Variants in MCTP1 observed in about 807,000 individuals in gnomAD.
The protein encoded by MCTP1 is multiple C2 and transmembrane domain containing 1.
Under a neutral mutation model 120.6 loss-of-function variants are expected in MCTP1, and 69 were observed. That is an observed-to-expected ratio of 0.57 (90% CI 0.47 to 0.70). The LOEUF (loss-of-function observed/expected upper bound fraction) is 0.70. Among genes scored for constraint, MCTP1 ranks in the 30% least tolerant of loss-of-function variants. The pLI is 0.00. For missense variants in MCTP1, 1,203 were observed against 1,248.8 expected (o/e 0.96, Z 0.55); for synonymous variants, 529 against 493.1 (o/e 1.07, Z -0.96).
At chr5:94,809,943 T>A (rs1392945408) in intron 17 of MCTP1, among the ~76,000 whole-genome samples, 2 of 152,128 alleles carry the variant, frequency 1.3e-5, no homozygotes, top group Non-Finnish European at 2.9e-5. Flanking sequence ...GCTTTAATTA[T>A]TTTCTAAGGA....
chr5:94,925,250 C>T (rs1812751610), intron 6 of MCTP1, among the ~76,000 whole-genome samples: 1 of 152,096 alleles, frequency 6.6e-6, no homozygotes, highest in Admixed American at 6.5e-5. Context: ...CAGAATGAGT[C>T]CTAAACAGAA....
chr5:94,936,893 C>G (rs929736141), intron 5 of MCTP1, among the ~76,000 whole-genome samples: 13 of 152,052 alleles, frequency 8.5e-5, no homozygotes, highest in Non-Finnish European at 1.9e-4. Flanking sequence ...TTTCTCCCCT[C>G]CCTCCTTTCT....
chr5:95,241,184 A>T (rs890697466), intron 1 of MCTP1, among the ~76,000 whole-genome samples: 1 of 152,168 alleles, frequency 6.6e-6, no homozygotes, highest in South Asian at 2.1e-4. Flanking sequence ...TAATTAGCCA[A>T]ATATCTTCTC....
Position 95,211,896 on chromosome 5 carries a change from C to G in MCTP1, c.720+71960G>C, listed in dbSNP as rs186727383. ...GTTTGTTAGTTTTCCTTCTGACAGA[C>G]AGGACCCTCAGCTGCAGGTCTGTTG... is the stretch of plus-strand genomic sequence containing the variant. On this transcript the variant is annotated intron_variant, in intron 1 of 22. Transcript: ENST00000515393. Among the ~76,000 whole-genome samples, 41 of 152,226 alleles carry G rather than the reference C, an allele frequency of 2.7e-4. 1 individual carries two copies. The highest frequency in any genetic ancestry group is 8.7e-4 in the African/African-American group (36 of 41,548).
chr5:94,911,682 C>T (rs1808618461), intron 9 of MCTP1, among the ~76,000 whole-genome samples: 1 of 152,128 alleles, frequency 6.6e-6, no homozygotes, highest in Non-Finnish European at 1.5e-5. Flanking sequence ...TGAGGTAGTT[C>T]TTTATAGAAG....
chr5:95,211,490 T>C (rs1368585217), intron 1 of MCTP1, among the ~76,000 whole-genome samples: 2 of 152,204 alleles, frequency 1.3e-5, no homozygotes, highest in Non-Finnish European at 2.9e-5. Context: ...TTCTGCATTC[T>C]TCACATAGTT....
chr5:95,077,720 C>A (rs1429854789), intron 1 of MCTP1, among the ~76,000 whole-genome samples: 1 of 152,198 alleles, frequency 6.6e-6, no homozygotes, highest in African/African-American at 2.4e-5. Context: ...GATCCGCCCA[C>A]CTCGGCCTCC....
rs182206989 is a variant in MCTP1 at position 95,261,195 on chromosome 5, G to A, written c.720+22661C>T. Reference sequence around the variant, plus strand: ...CTATCCATCAGACAAATAAACTGTTGGAAAGCCATTTAACCACTTTGAGAC... The same window carrying A: ...CTATCCATCAGACAAATAAACTGTTAGAAAGCCATTTAACCACTTTGAGAC... On this transcript the variant is annotated intron_variant, in intron 1 of 22. Transcript: ENST00000515393. Among the ~76,000 whole-genome samples the A allele has an allele frequency of 4.3e-4, 66 of 152,192 alleles. 1 individual carries two copies. Among genetic ancestry groups the A allele is most frequent in the African/African-American group, 1.6e-3 (65 of 41,518 alleles).
chr5:95,198,141 ACATATATG>A (rs1750601715), intron 1 of MCTP1, among the ~76,000 whole-genome samples: 1 of 152,152 alleles, frequency 6.6e-6, no homozygotes, highest in Non-Finnish European at 1.5e-5. Context: ...GTGTATATAT[ACATATATG>A]CACACACACA....
At chr5:94,956,117 A>G in intron 2 of MCTP1, among the ~76,000 whole-genome samples, 1 of 152,230 alleles carries the variant, frequency 6.6e-6, no homozygotes, top group East Asian at 1.9e-4. Context: ...GGTGATACCC[A>G]GGCAAACAGT....
chr5:94,756,925 G>A (rs1433938047), intron 19 of MCTP1, among the ~76,000 whole-genome samples: 1 of 152,070 alleles, frequency 6.6e-6, no homozygotes, highest in Non-Finnish European at 1.5e-5. Context: ...AGCTAAATAA[G>A]ATCATGAATA....
intron 1 of MCTP1, among the ~76,000 whole-genome samples, chr5:95,204,511 A>G (rs1366769534): frequency 1.3e-5 from 2 of 152,204 alleles, no homozygotes; most frequent in African/African-American, 4.8e-5. Flanking sequence ...ACACTGCACT[A>G]GAGATTCTTG....
Position 95,009,056 on chromosome 5 carries a change from AAGAGAGAGAGAGAGAG to A in MCTP1, c.838+8295_838+8310del, listed in dbSNP as rs201724037. Reference sequence around the variant, plus strand: ...TAAGAGTGAGAGTGAGAGAGGGAGAAAGAGAGAGAGAGAGAGAGAGAGAGAGAGAGAGAGAGAGAGA... The same window carrying A: ...TAAGAGTGAGAGTGAGAGAGGGAGAAAGAGAGAGAGAGAGAGAGAGAGAGA... On this transcript the variant is annotated intron_variant, in intron 2 of 22. Coordinates refer to ENST00000515393, the MANE Select transcript of MCTP1 (RefSeq NM_024717.7). Among the ~76,000 whole-genome samples, 232 of 129,544 alleles carry A rather than the reference AAGAGAGAGAGAGAGAG, an allele frequency of 1.8e-3. 2 individuals are homozygous for A. Among genetic ancestry groups the A allele is most frequent in the East Asian group, 6.5e-3 (25 of 3,866 alleles). The allele number at this position is 129,544 out of a possible 152,430, so 85.0% of individuals were successfully genotyped here.
intron 3 of MCTP1, 79 bp downstream of exon 3, chr5:94,953,140 A>T: frequency 7.5e-7 from 1 of 1,340,370 alleles, no homozygotes; most frequent in Non-Finnish European, 1.0e-6. Context: ...CTCTCATCAG[A>T]CAAAGAAACA....
chr5:94,909,413 T>C, intron 9 of MCTP1, 32 bp from the exon 10 acceptor site: 1 of 1,559,726 alleles, frequency 6.4e-7, no homozygotes, highest in Non-Finnish European at 8.6e-7. Context: ...GTCATATTGC[T>C]AGCAGCTTTT....
intron 1 of MCTP1, among the ~76,000 whole-genome samples, chr5:95,029,855 T>C (rs1839964965): frequency 1.3e-5 from 2 of 152,188 alleles, no homozygotes; most frequent in Admixed American, 6.5e-5. Flanking sequence ...CTGCCTTGCA[T>C]GTGGTTTCTC....
intron 1 of MCTP1, among the ~76,000 whole-genome samples, chr5:95,118,413 A>G (rs1449384735): frequency 6.6e-6 from 1 of 152,164 alleles, no homozygotes; most frequent in Non-Finnish European, 1.5e-5. Context: ...AAAAGCATAA[A>G]ATTAAATCAA....
At chr5:95,069,651 G>T (rs1240788015) in intron 1 of MCTP1, among the ~76,000 whole-genome samples, 2 of 151,498 alleles carry the variant, frequency 1.3e-5, no homozygotes, top group African/African-American at 4.8e-5. Flanking sequence ...GGCTCACAGG[G>T]ATGTCAAGTT....
intron 1 of MCTP1, among the ~76,000 whole-genome samples, chr5:95,209,687 T>A (rs371275181): frequency 4.6e-5 from 7 of 152,322 alleles, no homozygotes; most frequent in African/African-American, 1.7e-4. Context: ...GTTAGGCCAC[T>A]TCATCACATA....
Sources: allele counts gnomAD v4.1 joint callset (sites outside exome capture counted in the v4.1 genomes callset), GRCh38; gene constraint gnomAD v4.1.1; transcripts MANE v1.5; gene names NCBI Gene and HGNC (gene_info 2026-07-23, HGNC 2026-07-21).